HS3ST3B1: variants seen among roughly 807,000 people sequenced by gnomAD.
HS3ST3B1 encodes heparan sulfate glucosamine 3-O-sulfotransferase 3B1.
A neutral mutation model predicts 21.3 loss-of-function variants in HS3ST3B1; 13 were observed. The observed-to-expected ratio is 0.61, with a 90% CI of 0.40 to 0.97. HS3ST3B1 has a LOEUF of 0.97. Among genes scored for constraint, HS3ST3B1 ranks in the 50% least tolerant of loss-of-function variants. HS3ST3B1 has a pLI of 0.00. For synonymous variants in HS3ST3B1, 234 were observed against 254.8 expected (o/e 0.92, Z 0.78); for missense variants, 459 against 554.8 (o/e 0.83, Z 1.73).
rs2142320748 is a variant in HS3ST3B1 at position 14,303,543 on chromosome 17, T to G, written c.554+1471T>G. ...GGGACACTGGTGGATAAGAATGGGG[T>G]CTCTGGAGTCCGACGCCTGGATTCA... On this transcript the variant is annotated intron_variant, in intron 1 of 1. Coordinates refer to ENST00000360954, the MANE Select transcript of HS3ST3B1 (RefSeq NM_006041.3). The surrounding 1 kb of genome is among the most constrained non-coding windows in gnomAD (Gnocchi z 5.7). Among the ~76,000 whole-genome samples the G allele has an allele frequency of 6.6e-6, 1 of 152,144 alleles. No individual in the cohort carries two copies. The highest frequency in any genetic ancestry group is 2.1e-4 in the South Asian group (1 of 4,826).
chr17:14,301,840 G>A lies in HS3ST3B1; in HGVS notation c.322G>A (p.Ala108Thr), dbSNP rs779157143. 9 of 1,584,244 alleles carry A rather than the reference G, an allele frequency of 5.7e-6. No homozygotes were observed. In the South Asian group the frequency reaches 6.9e-5, roughly 12 times the overall value. The change falls in exon 1 of 2, where the codon GCT becomes ACT. Residue 108 changes from alanine to threonine, a missense_variant. Transcript: ENST00000360954. ...TTCAGGCAAGGAGATGGCCGAGGGC[G>A]CTGCGAGCCCGGAGGAGCAGAGTCC... ...LASGKEMAEG[A>T]ASPEEQSPEV...
intron 1 of HS3ST3B1, among the ~76,000 whole-genome samples, chr17:14,336,559 C>T (rs1457382583): frequency 2.6e-5 from 4 of 152,150 alleles, no homozygotes; most frequent in Non-Finnish European, 5.9e-5. Context: ...CGTGTTTCTC[C>T]AAAGCCCTGG....
At position 14,345,331 on chromosome 17, in the gene HS3ST3B1, C is replaced by T; in HGVS notation, c.858C>T (p.His286=). 9.2e-7 allele frequency: 1 copy of T among 1,083,056 alleles called. No homozygotes were observed. Among genetic ancestry groups the T allele is most frequent in the Non-Finnish European group, 1.3e-6 (1 of 745,738 alleles). The allele number at this position is 1,083,056 out of a possible 1,614,324, so 67.1% of individuals were successfully genotyped here. The change falls in exon 2 of 2, where the codon CAC becomes CAT. Residue 286 remains histidine (H), a synonymous_variant. Transcript: ENST00000360954. ...YAKHLEHWLR[H]FPIRQMLFVS... is the part of the protein sequence containing the mutation. ...AGCACCTGGAGCACTGGCTGCGCCA[C>T]TTCCCCATCCGCCAGATGCTCTTCG...
At chr17:14,330,877 T>C (rs370151793) in intron 1 of HS3ST3B1, among the ~76,000 whole-genome samples, 16 of 151,818 alleles carry the variant, frequency 1.1e-4, no homozygotes, top group African/African-American at 3.6e-4. Context: ...AAAAGAACGG[T>C]GTTAGAGACC....
intron 1 of HS3ST3B1, among the ~76,000 whole-genome samples, chr17:14,306,829 TA>T (rs11462805): frequency 1.3e-4 from 19 of 149,140 alleles, no homozygotes; most frequent in Middle Eastern, 3.4e-3. Flanking sequence ...TGGGTGAAGA[TA>T]AAAAAAAAAA....
At chr17:14,341,664 C>A (rs1910387804) in intron 1 of HS3ST3B1, among the ~76,000 whole-genome samples, 2 of 152,088 alleles carry the variant, frequency 1.3e-5, no homozygotes, top group African/African-American at 2.4e-5. Context: ...CAAGCCCAGG[C>A]TAAGTCAGAC....
At chr17:14,327,970 G>A (rs1233021259) in intron 1 of HS3ST3B1, 1 of 152,150 alleles carries the variant, frequency 6.6e-6, no homozygotes, top group Non-Finnish European at 1.5e-5. Context: ...GCCAATGCAG[G>A]GTAAAAGGCT....
At chr17:14,342,505 A>AT (rs145397505) in intron 1 of HS3ST3B1, among the ~76,000 whole-genome samples, 1,964 of 152,314 alleles carry the variant, frequency 0.013, 45 homozygotes, top group African/African-American at 0.042. Flanking sequence ...TTTTGGTCAT[A>AT]TGATATGCCG....
At chr17:14,334,899 G>A (rs1199232333) in intron 1 of HS3ST3B1, among the ~76,000 whole-genome samples, 2 of 152,046 alleles carry the variant, frequency 1.3e-5, no homozygotes, top group Admixed American at 1.3e-4. Flanking sequence ...TTTTTAAGGG[G>A]GCATCCTTAT....
Position 14,301,591 on chromosome 17 carries a change from C to G in HS3ST3B1, c.73C>G (p.Pro25Ala), listed in dbSNP as rs747427804. The G allele has an allele frequency of 3.7e-6, 6 of 1,601,552 alleles. No homozygotes were observed. The highest frequency in any genetic ancestry group is 5.1e-6 in the Non-Finnish European group (6 of 1,178,198). ...CCGGCTCCTACCGCAGCCGCCGCCGCCCCCGCCGCCGGTGAGGAGGAAGCT... is the reference window on the plus strand; with the variant it reads ...CCGGCTCCTACCGCAGCCGCCGCCGGCCCCGCCGCCGGTGAGGAGGAAGCT... ...PGRLLPQPPP[P>A]PPPVRRKLAL... The change falls in exon 1 of 2, where the codon CCC becomes GCC. Residue 25 changes from proline to alanine, a missense_variant. Physicochemically the swap from Pro to Ala is conservative, Grantham distance 27. Transcript: ENST00000360954.
chr17:14,307,029 AGT>A (rs1909159158), intron 1 of HS3ST3B1, among the ~76,000 whole-genome samples: 1 of 151,104 alleles, frequency 6.6e-6, no homozygotes, highest in East Asian at 2.0e-4. Context: ...CCTAATCATA[AGT>A]GTTTTCCCAG....
chr17:14,342,906 G>A (rs767724114), intron 1 of HS3ST3B1, among the ~76,000 whole-genome samples: 1 of 152,048 alleles, frequency 6.6e-6, no homozygotes, highest in East Asian at 1.9e-4. Flanking sequence ...TGCATATTTT[G>A]GGGGTACAAT....
At chr17:14,329,293 T>TAAAGAAAG (rs1235682605) in intron 1 of HS3ST3B1, 1 of 109,144 alleles carries the variant, frequency 9.2e-6, no homozygotes, top group Non-Finnish European at 2.1e-5. Flanking sequence ...CATGAGGAAA[T>TAAAGAAAG]AAAGAAAGAA....
chr17:14,311,785 G>A (rs1180288534), intron 1 of HS3ST3B1, among the ~76,000 whole-genome samples: 1 of 152,164 alleles, frequency 6.6e-6, no homozygotes, highest in Non-Finnish European at 1.5e-5. Context: ...TGGCTTGTAT[G>A]CATACCTGTA....
chr17:14,330,387 G>A (rs993248048), intron 1 of HS3ST3B1, among the ~76,000 whole-genome samples: 16 of 152,206 alleles, frequency 1.1e-4, no homozygotes, highest in Admixed American at 1.0e-3. Context: ...ATTTTTACAC[G>A]CGGAGAACTG....
At chr17:14,340,192 C>T (rs1456519707) in intron 1 of HS3ST3B1, among the ~76,000 whole-genome samples, 2 of 152,138 alleles carry the variant, frequency 1.3e-5, no homozygotes, top group Non-Finnish European at 2.9e-5. Context: ...ACCTCCTGTG[C>T]ACTTCCTTGT....
At chr17:14,315,639 G>A (rs1300009695) in intron 1 of HS3ST3B1, among the ~76,000 whole-genome samples, 2 of 152,000 alleles carry the variant, frequency 1.3e-5, no homozygotes, top group African/African-American at 2.4e-5. Flanking sequence ...CCTGACCAAC[G>A]TGGTGAAACC....
chr17:14,328,182 C>T (rs1432658489), intron 1 of HS3ST3B1: 1 of 152,178 alleles, frequency 6.6e-6, no homozygotes, highest in Admixed American at 6.5e-5. Context: ...TAGAATGTAA[C>T]AAATAATCAT....
At chr17:14,327,719 C>G (rs1269964818) in intron 1 of HS3ST3B1, 2 of 152,166 alleles carry the variant, frequency 1.3e-5, no homozygotes, top group Admixed American at 1.3e-4. Context: ...TAGCTTTAAG[C>G]CTTGCTAGTT....
Sources: gnomAD v4.1 joint callset for allele counts (sites outside exome capture counted in the v4.1 genomes callset) on GRCh38, gnomAD v4.1.1 for gene constraint, Gnocchi (gnomAD v3.1) non-coding constraint, MANE v1.5 for transcripts, NCBI Gene and HGNC (gene_info 2026-07-23, HGNC 2026-07-21) for gene names.